The following CELSR1 variants were observed in gnomAD, a reference collection of about 807,000 sequenced individuals.
The protein encoded by CELSR1 is adhesion G protein-coupled receptor C1.
Under a neutral mutation model 249.1 loss-of-function variants are expected in CELSR1, and 110 were observed. That is an observed-to-expected ratio of 0.44 (90% CI 0.38 to 0.52). CELSR1 has a LOEUF of 0.52. Among genes scored for constraint, CELSR1 ranks in the 20% least tolerant of loss-of-function variants. The probability of loss-of-function intolerance (pLI) is 0.00; values close to 1 mark genes in which losing one functional copy is unlikely to be tolerated. For missense variants in CELSR1, 4,109 were observed against 4,296.4 expected (o/e 0.96, Z 1.22); for synonymous variants, 2,113 against 1,900.0 (o/e 1.11, Z -2.92).
intron 20 of CELSR1, among the ~76,000 whole-genome samples, chr22:46,382,454 T>C (rs1310975780): frequency 6.6e-6 from 1 of 152,030 alleles, no homozygotes; most frequent in African/African-American, 2.4e-5. Context: ...ATTTTTGTAT[T>C]TTTAGTAGAG....
At chr22:46,370,937 G>A (rs564259401) in intron 25 of CELSR1, among the ~76,000 whole-genome samples, 6 of 152,216 alleles carry the variant, frequency 3.9e-5, no homozygotes, top group Non-Finnish European at 8.8e-5. Context: ...GAACTATCTG[G>A]ATTTAGAGTC....
chr22:46,361,442 CA>C lies in CELSR1; in HGVS notation c.*1780del, dbSNP rs2078703000. ...AAAATAGAACAAAAAAATTACACCT[CA>C]GGGGGCAGAATCCTGTTAAAGTCAT... On this transcript the variant is annotated 3_prime_UTR_variant, in exon 35 of 35. Coordinates refer to ENST00000674500, the MANE Select transcript of CELSR1 (RefSeq NM_001378328.1). The C allele has an allele frequency of 1.3e-5, 2 of 152,350 alleles. No individual in the cohort carries two copies. Among genetic ancestry groups the C allele is most frequent in the South Asian group, 2.1e-4 (1 of 4,830 alleles). The allele number at this position is 152,350 out of a possible 1,614,324, so 9.4% of individuals were successfully genotyped here.
chr22:46,511,108 C>A (rs1186293208), intron 1 of CELSR1, among the ~76,000 whole-genome samples: 2 of 115,752 alleles, frequency 1.7e-5, no homozygotes, highest in East Asian at 5.2e-4. Context: ...ATCAAGACTT[C>A]GTCTCAAAAA....
In CELSR1 at chr22:46,399,599, A is replaced by G. The variant is rs2079188647; in HGVS notation, c.5412+118T>C. The G allele has an allele frequency of 4.0e-6, 4 of 1,007,640 alleles. No homozygotes were observed. The East Asian group carries it at 9.9e-5, about 25-fold the overall frequency. The allele number at this position is 1,007,640 out of a possible 1,614,324, so 62.4% of individuals were successfully genotyped here. ...GAAGCCCACCTGCGGGGACCCAGAA[A>G]GTGCCTCCCCAAATCCACAAGGTCT... On this transcript the variant is annotated intron_variant, in intron 10 of 34. Transcript: ENST00000674500. The surrounding 1 kb of genome is among the most constrained non-coding windows in gnomAD (Gnocchi z 5.0).
chr22:46,533,771 C>G lies in CELSR1; in HGVS notation c.3400G>C (p.Val1134Leu), dbSNP rs370541822. Residue 1134 changes from valine to leucine, a missense_variant, in exon 1 of 35, where the codon GTG becomes CTG. Coordinates refer to ENST00000674500, the MANE Select transcript of CELSR1 (RefSeq NM_001378328.1). ...AAGGTGTAGTTGAGGCTGTCTGACA[C>G]GTCGGGGTCATGGGCCGGGATGCAG... ...IGCIPAHDPDVSDSLNYTFVQ... is the reference protein window; with the variant it reads ...IGCIPAHDPDLSDSLNYTFVQ... The G allele has an allele frequency of 2.5e-6, 4 of 1,613,606 alleles. No homozygotes were observed. The South Asian group carries it at 4.4e-5, about 18-fold the overall frequency.
In CELSR1 at chr22:46,363,851, CT is replaced by C. The variant is rs1452662783; in HGVS notation, c.9035+144del. On this transcript the variant is annotated intron_variant, in intron 34 of 34. Transcript: ENST00000674500. The surrounding 1 kb of genome is among the most constrained non-coding windows in gnomAD (Gnocchi z 4.3). ...TGACCTCAGCTGCAGCGCCTCCCCC[CT>C]CCCCCATCCCCGCCTGGGCTTCCTC... The C allele has an allele frequency of 8.8e-5, 101 of 1,143,036 alleles. No homozygotes were observed. The African/African-American group carries it at 1.5e-3, about 17-fold the overall frequency. The allele number at this position is 1,143,036 out of a possible 1,614,324, so 70.8% of individuals were successfully genotyped here. A position where few individuals can be genotyped will look rare whatever the true frequency, so the allele number is the denominator to read the frequency against.
In CELSR1 at chr22:46,369,818, G is replaced by A. The variant is rs373349700; in HGVS notation, c.7760-14C>T. On this transcript the variant is annotated splice_polypyrimidine_tract_variant and intron_variant, in intron 25 of 34. Transcript: ENST00000674500. ...CGACCGCCAGTCCTGAACACAGCGG[G>A]GAGGAAGGGAAGGGTGAGGGCCACG... is the stretch of plus-strand genomic sequence containing the variant. 17 of 1,610,856 alleles carry A rather than the reference G, an allele frequency of 1.1e-5. No homozygotes were observed. The highest frequency in any genetic ancestry group is 2.2e-5 in the East Asian group (1 of 44,826).
intron 2 of CELSR1, among the ~76,000 whole-genome samples, chr22:46,443,029 C>T (rs560156891): frequency 1.9e-4 from 28 of 151,218 alleles, no homozygotes; most frequent in Non-Finnish European, 2.6e-4. Context: ...ACGCGGGAGG[C>T]GGAGCTTGCA....
intron 1 of CELSR1, among the ~76,000 whole-genome samples, chr22:46,514,281 T>G (rs985452910): frequency 2.0e-5 from 3 of 152,172 alleles, no homozygotes; most frequent in African/African-American, 7.2e-5. Context: ...AAAAACCCAG[T>G]AAGCGAGACT....
Position 46,517,695 on chromosome 22 carries a change from C to A in CELSR1, c.3544+15932G>T, listed in dbSNP as rs79505642. Among the ~76,000 whole-genome samples, 1,058 of 152,312 alleles carry A rather than the reference C, an allele frequency of 6.9e-3. 7 individuals are homozygous for A. Among genetic ancestry groups the A allele is most frequent in the Non-Finnish European group, 0.013 (867 of 68,024 alleles). ...TAAACCTTCATATTTTCCATTCTCT[C>A]CTCTTTGAAGAATTGGGAGAACTTG... On this transcript the variant is annotated intron_variant, in intron 1 of 34. Transcript: ENST00000674500. This position sits in a 1 kb window ranked among gnomAD's most constrained non-coding sequence, Gnocchi z 5.4.
chr22:46,425,767 T>C (rs772518365), intron 5 of CELSR1, among the ~76,000 whole-genome samples: 1 of 152,250 alleles, frequency 6.6e-6, no homozygotes, highest in Non-Finnish European at 1.5e-5. Context: ...GCTGTTTCAA[T>C]TTCACTGACT....
At position 46,522,107 on chromosome 22, in the gene CELSR1, G is replaced by A. The variant is rs113839217; in HGVS notation, c.3544+11520C>T. Among the ~76,000 whole-genome samples, 1,425 of 152,098 alleles carry A rather than the reference G, an allele frequency of 9.4e-3. 26 individuals carry two copies. The highest frequency in any genetic ancestry group is 0.032 in the African/African-American group (1,341 of 41,500). On this transcript the variant is annotated intron_variant, in intron 1 of 34. Transcript: ENST00000674500. ...TTGTGTGTGTGTCAGTCAACTCACT[G>A]GCAAACAGTTATTGCCCTGCAAAAG... is the stretch of plus-strand genomic sequence containing the variant.
rs572996238 is a variant in CELSR1, at chr22:46,459,218, G to A, written c.4183+4489C>T. On this transcript the variant is annotated intron_variant, in intron 2 of 34. Transcript: ENST00000674500. ...CCATTTTAGTAATGAGTGAGTGGTCGTAATTGTTTAATTAGGGAGAGCAGA... is the reference window on the plus strand; with the variant it reads ...CCATTTTAGTAATGAGTGAGTGGTCATAATTGTTTAATTAGGGAGAGCAGA... Among the ~76,000 whole-genome samples, 7 of 152,166 alleles carry A rather than the reference G, an allele frequency of 4.6e-5. 1 individual carries two copies. The South Asian group carries it at 6.2e-4, about 14-fold the overall frequency.
Position 46,454,276 on chromosome 22 carries a change from G to A in CELSR1, c.4183+9431C>T, listed in dbSNP as rs527948961. ...CTGAATGCAGGGCTCCTGCCCTCCAGAACAGTAAGAATGAATCCGTGCTGC... is the reference window on the plus strand; with the variant it reads ...CTGAATGCAGGGCTCCTGCCCTCCAAAACAGTAAGAATGAATCCGTGCTGC... On this transcript the variant is annotated intron_variant, in intron 2 of 34. Transcript: ENST00000674500. The surrounding 1 kb of genome is among the most constrained non-coding windows in gnomAD (Gnocchi z 5.1). 6.6e-6 allele frequency among the ~76,000 whole-genome samples: 1 copy of A among 152,214 alleles called. No individual in the cohort carries two copies. Among genetic ancestry groups the A allele is most frequent in the African/African-American group, 2.4e-5 (1 of 41,454 alleles).
At position 46,409,646 on chromosome 22, in the gene CELSR1, G is replaced by T; in HGVS notation, c.5059+109C>A. ...AGTAAATGCAGCATATACCACCAGA[G>T]GCTGCCGGACCTGGATGTGAAGCCC... On this transcript the variant is annotated intron_variant, in intron 8 of 34. Coordinates refer to ENST00000674500, the MANE Select transcript of CELSR1 (RefSeq NM_001378328.1). This position sits in a 1 kb window ranked among gnomAD's most constrained non-coding sequence, Gnocchi z 9.8. 7.4e-7 allele frequency: 1 copy of T among 1,343,366 alleles called. No individual in the cohort carries two copies. Among genetic ancestry groups the T allele is most frequent in the Non-Finnish European group, 1.0e-6 (1 of 959,262 alleles). The allele number at this position is 1,343,366 out of a possible 1,614,324, so 83.2% of individuals were successfully genotyped here.
chr22:46,367,675 A>C (rs987526963), intron 28 of CELSR1, 54 bp downstream of exon 28: 16 of 1,558,926 alleles, frequency 1.0e-5, no homozygotes, highest in Non-Finnish European at 1.4e-5. Flanking sequence ...CATCACAGCG[A>C]TGGTGTCACG....
intron 2 of CELSR1, among the ~76,000 whole-genome samples, chr22:46,460,415 T>C (rs1602167646): frequency 6.6e-6 from 1 of 152,008 alleles, no homozygotes; most frequent in East Asian, 1.9e-4. Context: ...GAAGCAGATT[T>C]TGAGGGAGGC....
At chr22:46,491,625 TTCTC>T (rs71315160) in intron 1 of CELSR1, among the ~76,000 whole-genome samples, 7 of 136,336 alleles carry the variant, frequency 5.1e-5, no homozygotes, top group Non-Finnish European at 7.7e-5. Flanking sequence ...ATAGTCTCTA[TTCTC>T]TCTCTCTCTT....
intron 1 of CELSR1, among the ~76,000 whole-genome samples, chr22:46,466,002 G>A (rs2080092409): frequency 6.6e-6 from 1 of 152,188 alleles, no homozygotes; most frequent in Admixed American, 6.5e-5. Flanking sequence ...GTACAACCTC[G>A]GTGTGGGGAG....
Sources: gnomAD v4.1 joint callset for allele counts (sites outside exome capture counted in the v4.1 genomes callset) on GRCh38, gnomAD v4.1.1 for gene constraint, Gnocchi (gnomAD v3.1) non-coding constraint, MANE v1.5 for transcripts, NCBI Gene and HGNC (gene_info 2026-07-23, HGNC 2026-07-21) for gene names.